Variants in ZNF606 observed in about 807,000 individuals in gnomAD.
ZNF606 encodes the protein zinc finger protein 606.
Under a neutral mutation model 74.9 loss-of-function variants are expected in ZNF606, and 37 were observed. That is an observed-to-expected ratio of 0.49 (90% confidence interval 0.38 to 0.65). The LOEUF is 0.65. Ranked by LOEUF, ZNF606 falls within the 30% of genes least tolerant of loss-of-function variation. ZNF606 has a pLI of 0.00. For missense variants in ZNF606, 852 were observed against 952.9 expected (o/e 0.89, Z 1.39); for synonymous variants, 328 against 312.4 (o/e 1.05, Z -0.53).
upstream of ZNF606, chr19:58,002,992 T>G (rs1251330955): frequency 2.2e-6 from 1 of 455,316 alleles, no homozygotes; most frequent in Admixed American, 2.4e-5. Flanking sequence ...GACTTTGTTG[T>G]CCCGGTCCCA....
Position 57,988,234 on chromosome 19 carries a change from G to T in ZNF606, c.373C>A (p.Gln125Lys), listed in dbSNP as rs1265460024. ...EQGEEPWSVE[Q>K]ACPQRTCPEW... ...GGACAAGTGCGTTGAGGACATGCCTGCTCCACTGACCACGGCTCTTCTCCT... is the reference window on the plus strand; with the variant it reads ...GGACAAGTGCGTTGAGGACATGCCTTCTCCACTGACCACGGCTCTTCTCCT... The change falls in exon 6 of 7, where the codon CAG becomes AAG. Residue 125 changes from glutamine (Q) to lysine (K), a missense_variant. Coordinates refer to ENST00000551380, the MANE Select transcript of ZNF606 (RefSeq NM_001348022.3). 28 of 1,614,078 alleles carry T rather than the reference G, an allele frequency of 1.7e-5. No homozygotes were observed. Among genetic ancestry groups the T allele is most frequent in the Non-Finnish European group, 2.3e-5 (27 of 1,179,996 alleles).
chr19:57,993,067 T>C (rs1458582802), intron 4 of ZNF606, among the ~76,000 whole-genome samples: 2 of 152,014 alleles, frequency 1.3e-5, no homozygotes, highest in Non-Finnish European at 2.9e-5. Flanking sequence ...ACAGGAGATA[T>C]GACGCAAGCA....
At chr19:57,984,318 G>C (rs920417912) in intron 6 of ZNF606, among the ~76,000 whole-genome samples, 1 of 152,218 alleles carries the variant, frequency 6.6e-6, no homozygotes, top group Non-Finnish European at 1.5e-5. Context: ...AATGGGAGAA[G>C]TGTAAGGACA....
rs2073404733 is a variant in ZNF606 at position 58,000,468 on chromosome 19, A to T, written c.88+215T>A. The T allele has an allele frequency of 6.3e-6, 4 of 637,200 alleles. No individual in the cohort carries two copies. In the South Asian group the frequency reaches 6.9e-5, roughly 11 times the overall value. The allele number at this position is 637,200 out of a possible 1,614,324, so 39.5% of individuals were successfully genotyped here. The stretch of plus-strand genomic sequence containing the variant: ...TCTCGATCTCCTGACCTCGTGATCC[A>T]CTCGCCTCGGCCTCCCAAAGTGCTG... On this transcript the variant is annotated intron_variant, in intron 3 of 6. Transcript: ENST00000551380.
upstream of ZNF606, chr19:58,003,292 A>T (rs2073473754): frequency 2.2e-6 from 1 of 456,626 alleles, no homozygotes; most frequent in African/African-American, 2.0e-5. Flanking sequence ...GTCTCTTTCC[A>T]GAGGCCAGGC....
At chr19:57,996,162 T>C (rs1003400312) in intron 4 of ZNF606, among the ~76,000 whole-genome samples, 2 of 152,210 alleles carry the variant, frequency 1.3e-5, no homozygotes, top group Admixed American at 1.3e-4. Context: ...CCCAGCTGAA[T>C]ATGTAACCAT....
Position 58,000,668 on chromosome 19 carries a change from A to C in ZNF606, c.88+15T>G. 1 of 1,613,920 alleles carries C rather than the reference A, an allele frequency of 6.2e-7. No individual in the cohort carries two copies. The highest frequency in any genetic ancestry group is 8.5e-7 in the Non-Finnish European group (1 of 1,179,920). On this transcript the variant is annotated intron_variant, in intron 3 of 6. Transcript: ENST00000551380. ...ACAATATGGCAGCCCACAGCTGACC[A>C]GGCTCTTGACTCACCCCAGGAGGCC...
intron 4 of ZNF606, chr19:57,998,206 T>C (rs1267819406): frequency 6.6e-6 from 1 of 152,106 alleles, no homozygotes; most frequent in Non-Finnish European, 1.5e-5. Flanking sequence ...ACAGAGTAAA[T>C]ATAACTTTAA....
rs1568570913 is a variant in ZNF606 at position 57,977,462 on chromosome 19, G to A, written c.*839C>T. ...GTCCTTACCCATATACATTTTTTTA[G>A]ATGTGTTACAGTAAGTATGTATATA... On this transcript the variant is annotated 3_prime_UTR_variant, in exon 7 of 7. Transcript: ENST00000551380. 1 of 152,116 alleles carries A rather than the reference G, an allele frequency of 6.6e-6. No individual in the cohort carries two copies. The highest frequency in any genetic ancestry group is 1.5e-5 in the Non-Finnish European group (1 of 68,010). 9.4% of individuals were successfully genotyped at this position (152,116 alleles called of 1,614,324 possible).
In ZNF606 at chr19:57,979,556, T is replaced by A. The variant is rs1164868001; in HGVS notation, c.1124A>T (p.Asn375Ile). The change falls in exon 7 of 7, where the codon AAT becomes ATT. Residue 375 changes from asparagine to isoleucine, a missense_variant. By Grantham distance (149) the Asn-to-Ile change is moderately radical. Around this residue, in one of 3 missense-constraint regions of ZNF606, gnomAD observed 545 missense variants for 542.5 expected, o/e 1.00. Coordinates refer to ENST00000551380, the MANE Select transcript of ZNF606 (RefSeq NM_001348022.3). ...ATACCCAAAGACTTTCTCCCATTCA[T>A]TGTATTTATACGCTTTCTCTACAGT... The part of the protein sequence containing the change: ...IGTVEKAYKY[N>I]EWEKVFGYDS... 1 of 1,612,948 alleles carries A rather than the reference T, an allele frequency of 6.2e-7. No individual in the cohort carries two copies. The highest frequency in any genetic ancestry group is 8.5e-7 in the Non-Finnish European group (1 of 1,179,572).
intron 6 of ZNF606, among the ~76,000 whole-genome samples, chr19:57,982,566 C>T (rs976375618): frequency 6.6e-6 from 1 of 152,088 alleles, no homozygotes; most frequent in African/African-American, 2.4e-5. Flanking sequence ...AGAACTAGAC[C>T]TTGCCCTCTC....
At chr19:58,002,299 GA>G (rs1254551959) in intron 1 of ZNF606, 96 bp downstream of exon 1, 1 of 456,752 alleles carries the variant, frequency 2.2e-6, no homozygotes, top group South Asian at 1.5e-5. Flanking sequence ...AATGGCCTCA[GA>G]AGCATCCTTA....
intron 4 of ZNF606, among the ~76,000 whole-genome samples, chr19:57,989,834 C>T (rs961139950): frequency 8.6e-5 from 13 of 151,466 alleles, no homozygotes; most frequent in African/African-American, 2.7e-4. Flanking sequence ...GGGCGGATCA[C>T]GAGCTCAGGA....
intron 3 of ZNF606, chr19:58,000,259 T>C (rs2073400557): frequency 4.7e-6 from 2 of 424,274 alleles, no homozygotes; most frequent in African/African-American, 4.0e-5. Flanking sequence ...TCTCGCTCTG[T>C]CGCCCAGGCT....
intron 4 of ZNF606, among the ~76,000 whole-genome samples, chr19:57,996,207 A>G (rs562826423): frequency 6.6e-6 from 1 of 152,352 alleles, no homozygotes; most frequent in South Asian, 2.1e-4. Context: ...CCTCACCTCA[A>G]GGATGGTAAG....
In ZNF606 at chr19:57,999,983, C is replaced by T. The variant is rs78035577; in HGVS notation, c.89-87G>A. Reference sequence around the variant, plus strand: ...TGGGGGGCTGAGAACCAGCCCCTGCCCCTCCCCCTTGAATGAGGAAAGAGA... The same window carrying T: ...TGGGGGGCTGAGAACCAGCCCCTGCTCCTCCCCCTTGAATGAGGAAAGAGA... On this transcript the variant is annotated intron_variant, in intron 3 of 6. Transcript: ENST00000551380. 683 of 1,175,316 alleles carry T rather than the reference C, an allele frequency of 5.8e-4. 6 individuals carry two copies. In the East Asian group the frequency reaches 0.016, roughly 28 times the overall value. The allele number at this position is 1,175,316 out of a possible 1,614,324, so 72.8% of individuals were successfully genotyped here.
intron 1 of ZNF606, chr19:58,002,038 C>T (rs1232901351): frequency 7.9e-6 from 3 of 381,986 alleles, no homozygotes; most frequent in Non-Finnish European, 1.1e-5. Context: ...CGAATGGATT[C>T]CTGGGTATGT....
intron 2 of ZNF606, chr19:58,001,041 ACCCCAC>A (rs1433234613): frequency 2.1e-4 from 115 of 556,062 alleles, no homozygotes; most frequent in African/African-American, 1.7e-3. Flanking sequence ...TGTTTAGGAA[ACCCCAC>A]AAACCACCAG....
At position 57,981,531 on chromosome 19, in the gene ZNF606, T is replaced by C. The variant is rs76542681; in HGVS notation, c.401-1252A>G. On this transcript the variant is annotated intron_variant, in intron 6 of 6. Transcript: ENST00000551380. ...CACAAGGCCTTTAGCAAGTAATATT[T>C]ACATCATGAGTGCTCTCACTTCTGT... Among the ~76,000 whole-genome samples, 99 of 152,302 alleles carry C rather than the reference T, an allele frequency of 6.5e-4. 2 individuals carry two copies. The East Asian group carries it at 0.018, about 28-fold the overall frequency.
Sources: allele counts gnomAD v4.1 joint callset (sites outside exome capture counted in the v4.1 genomes callset), GRCh38; gene constraint gnomAD v4.1.1; regional missense constraint gnomAD v4.1.1; transcripts MANE v1.5; gene names NCBI Gene and HGNC (gene_info 2026-07-23, HGNC 2026-07-21).